Variants in MAST4 observed in about 807,000 individuals in gnomAD.
The protein encoded by MAST4 is microtubule associated serine/threonine kinase family member 4.
Under a neutral mutation model 162.7 loss-of-function variants are expected in MAST4, and 89 were observed. That is an observed-to-expected ratio of 0.55 (90% confidence interval 0.46 to 0.65). The LOEUF is 0.65. Ranked by LOEUF, MAST4 falls within the 30% of genes least tolerant of loss-of-function variation. MAST4 has a pLI of 0.00. For missense variants in MAST4, 3,153 were observed against 3,374.0 expected (o/e 0.93, Z 1.62); for synonymous variants, 1,479 against 1,361.1 (o/e 1.09, Z -1.91).
intron 3 of MAST4, among the ~76,000 whole-genome samples, chr5:66,809,094 A>G (rs1399756680): frequency 6.6e-6 from 1 of 152,202 alleles, no homozygotes; most frequent in East Asian, 1.9e-4. Flanking sequence ...GCAGGTATAC[A>G]TCTCCTGCAT....
At chr5:67,077,894 G>A (rs1448986503) in intron 5 of MAST4, among the ~76,000 whole-genome samples, 1 of 152,194 alleles carries the variant, frequency 6.6e-6, no homozygotes, top group African/African-American at 2.4e-5. Flanking sequence ...GAGGTCAGGA[G>A]TTTGAGACCA....
At chr5:67,102,725 A>C in intron 9 of MAST4, 114 bp downstream of exon 9, 1 of 786,490 alleles carries the variant, frequency 1.3e-6, no homozygotes. Flanking sequence ...AATGATTTGC[A>C]TAAAACAGCT....
intron 4 of MAST4, among the ~76,000 whole-genome samples, chr5:66,913,273 G>A (rs71626470): frequency 1.4e-4 from 21 of 150,724 alleles, no homozygotes; most frequent in African/African-American, 4.9e-4. Context: ...CTTTGTCATT[G>A]CTCCCCCACC....
Position 67,110,519 on chromosome 5 carries a change from A to G in MAST4, c.1458+320A>G, listed in dbSNP as rs548427394. ...ACAGCTAGTTTAAAACCCTGGCTGT[A>G]CCACACTTTTTTGGAATTGCCAAGA... On this transcript the variant is annotated intron_variant, in intron 11 of 28. Coordinates refer to ENST00000403625, the MANE Select transcript of MAST4 (RefSeq NM_001164664.2). 2.0e-5 allele frequency among the ~76,000 whole-genome samples: 3 copies of G among 152,364 alleles called. No individual in the cohort carries two copies. The East Asian group carries it at 5.8e-4, about 29-fold the overall frequency.
Position 66,596,928 on chromosome 5 carries a change from A to C in MAST4, c.273A>C (p.Gly91=). ...WAPASVLLER[G]VLALPPPLPG... The stretch of plus-strand genomic sequence containing the variant: ...CGGCAAGCGTGCTGCTGGAGCGCGG[A>C]GTCCTTGCGCTGCCGCCGCCGCTTC... The change falls in exon 1 of 29, where the codon GGA becomes GGC. Residue 91 remains glycine (G), a synonymous_variant. Coordinates refer to ENST00000403625, the MANE Select transcript of MAST4 (RefSeq NM_001164664.2). The C allele has an allele frequency of 7.5e-7, 1 of 1,332,024 alleles. No individual in the cohort carries two copies. The highest frequency in any genetic ancestry group is 9.6e-7 in the Non-Finnish European group (1 of 1,040,816). 82.5% of individuals were successfully genotyped at this position (1,332,024 alleles called of 1,614,324 possible).
intron 4 of MAST4, among the ~76,000 whole-genome samples, chr5:66,938,889 A>G (rs1220643315): frequency 6.6e-6 from 1 of 152,196 alleles, no homozygotes; most frequent in South Asian, 2.1e-4. Context: ...AAAGTTCTTT[A>G]TAGAGATAAT....
chr5:66,762,849 T>C (rs1386817901), intron 2 of MAST4, among the ~76,000 whole-genome samples: 1 of 152,256 alleles, frequency 6.6e-6, no homozygotes, highest in African/African-American at 2.4e-5. Flanking sequence ...TTGGACAGTT[T>C]TGCCAACCAA....
intron 1 of MAST4, among the ~76,000 whole-genome samples, chr5:66,602,770 C>T (rs1330167711): frequency 6.6e-6 from 1 of 152,172 alleles, no homozygotes. Flanking sequence ...AAAGGGCTTG[C>T]ATTCTTCTCC....
At chr5:67,142,623 G>A (rs755076201) in intron 21 of MAST4, 90 bp downstream of exon 21, 7 of 861,280 alleles carry the variant, frequency 8.1e-6, no homozygotes, top group African/African-American at 3.4e-5. Context: ...GACACTTACC[G>A]TTTTCCAGGG....
chr5:67,091,270 A>AATTAAGAT (rs1763838052), intron 6 of MAST4, among the ~76,000 whole-genome samples: 2 of 152,204 alleles, frequency 1.3e-5, no homozygotes, highest in African/African-American at 4.8e-5. Context: ...AGTTCTGTGT[A>AATTAAGAT]ATTAAGATTT....
intron 3 of MAST4, among the ~76,000 whole-genome samples, chr5:66,848,895 A>C (rs1358636000): frequency 1.3e-5 from 2 of 152,190 alleles, no homozygotes; most frequent in South Asian, 2.1e-4. Flanking sequence ...TGGTGTGCTC[A>C]TATCAGAAAA....
chr5:66,816,899 T>C (rs972014601), intron 3 of MAST4, among the ~76,000 whole-genome samples: 1 of 152,182 alleles, frequency 6.6e-6, no homozygotes, highest in Admixed American at 6.5e-5. Context: ...CTTAGTTTTT[T>C]TGAAATTTAT....
intron 19 of MAST4, 28 bp downstream of exon 19, chr5:67,136,692 T>C (rs1321936305): frequency 6.6e-7 from 1 of 1,526,000 alleles, no homozygotes. Context: ...TTAATTTTGC[T>C]AATATGCAAG....
chr5:66,907,301 A>G (rs1447140415), intron 4 of MAST4, among the ~76,000 whole-genome samples: 3 of 149,296 alleles, frequency 2.0e-5, no homozygotes, highest in Non-Finnish European at 4.4e-5. Flanking sequence ...AAAGGGTGCA[A>G]ACTTCCCGAG....
chr5:67,161,650 T>C (rs1304701470), intron 27 of MAST4, among the ~76,000 whole-genome samples: 1 of 152,238 alleles, frequency 6.6e-6, no homozygotes, highest in East Asian at 1.9e-4. Context: ...AAGCGACTTC[T>C]TTGGGGAGTA....
intron 10 of MAST4, 121 bp downstream of exon 10, chr5:67,104,696 G>GAA: frequency 3.7e-5 from 19 of 513,662 alleles, no homozygotes; most frequent in South Asian, 1.0e-4. Flanking sequence ...CAAAAAAGAA[G>GAA]GAAAAAAAAA....
intron 24 of MAST4, among the ~76,000 whole-genome samples, chr5:67,151,767 C>CTTTTTTTTTTTTTTTTT (rs1163541260): frequency 8.6e-6 from 1 of 115,668 alleles, no homozygotes; most frequent in Non-Finnish European, 1.8e-5. Context: ...TTCTTTTTTT[C>CTTTTTTTTTTTTTTTTT]TTTTTTTTTT....
At chr5:67,004,667 G>C (rs1000144278) in intron 4 of MAST4, 4 of 235,188 alleles carry the variant, frequency 1.7e-5, no homozygotes, top group Admixed American at 9.7e-5. Context: ...ACAGCGCTTT[G>C]AGCAGAACGC....
At chr5:66,639,278 T>TGTGTGTGTGTG (rs1745323495) in intron 1 of MAST4, among the ~76,000 whole-genome samples, 1 of 138,624 alleles carries the variant, frequency 7.2e-6, no homozygotes, top group Non-Finnish European at 1.6e-5. Context: ...GAGAGGCAGC[T>TGTGTGTGTGTG]TGTGTGTGTG....
Sources: gnomAD v4.1 joint callset for allele counts (sites outside exome capture counted in the v4.1 genomes callset) on GRCh38, gnomAD v4.1.1 for gene constraint, MANE v1.5 for transcripts, NCBI Gene and HGNC (gene_info 2026-07-23, HGNC 2026-07-21) for gene names.